Variants in EPB41L5 observed in about 807,000 individuals in gnomAD.
EPB41L5 encodes erythrocyte membrane protein band 4.1 like 5.
A neutral mutation model predicts 106.6 loss-of-function variants in EPB41L5; 55 were observed. The observed-to-expected ratio is 0.52, with a 90% CI of 0.42 to 0.65. The LOEUF (loss-of-function observed/expected upper bound fraction) is 0.65. Among genes scored for constraint, EPB41L5 ranks in the 30% least tolerant of loss-of-function variants. The probability of loss-of-function intolerance (pLI) is 0.00; values close to 1 mark genes in which losing one functional copy is unlikely to be tolerated. For missense variants in EPB41L5, 871 were observed against 882.1 expected, an observed-to-expected ratio of 0.99 and a Z score of 0.16; for synonymous variants, 297 against 306.7, an observed-to-expected ratio of 0.97 and a Z score of 0.33.
Position 120,176,903 on chromosome 2 carries a change from C to A in EPB41L5, c.*1996C>A, listed in dbSNP as rs904833295. 1 of 152,148 alleles carries A rather than the reference C, an allele frequency of 6.6e-6. No individual in the cohort carries two copies. The allele number at this position is 152,148 out of a possible 1,614,324, so 9.4% of individuals were successfully genotyped here. On this transcript the variant is annotated 3_prime_UTR_variant, in exon 25 of 25. Transcript: ENST00000263713. ...TAGGTAGTTGGACATAGTCTGTGAC[C>A]TTTATGTCGTTGGATACCTGTATTC...
At chr2:120,167,242 T>A (rs1372017320) in intron 22 of EPB41L5, among the ~76,000 whole-genome samples, 2 of 152,332 alleles carry the variant, frequency 1.3e-5, no homozygotes, top group Non-Finnish European at 1.5e-5. Flanking sequence ...GATAAGAGAT[T>A]CTCAAAATTA....
At chr2:120,163,884 T>TG in intron 21 of EPB41L5, among the ~76,000 whole-genome samples, 1 of 151,616 alleles carries the variant, frequency 6.6e-6, no homozygotes, top group Non-Finnish European at 1.5e-5. Flanking sequence ...CCCAGCATTT[T>TG]GGGGCTGCGG....
At chr2:120,057,847 C>A (rs1184581506) in intron 3 of EPB41L5, among the ~76,000 whole-genome samples, 1 of 151,894 alleles carries the variant, frequency 6.6e-6, no homozygotes, top group African/African-American at 2.4e-5. Flanking sequence ...TGGGTAGTTT[C>A]TTGTATACAG....
At chr2:120,067,933 A>G (rs185971371) in intron 3 of EPB41L5, among the ~76,000 whole-genome samples, 1 of 152,220 alleles carries the variant, frequency 6.6e-6, no homozygotes, top group Admixed American at 6.5e-5. Flanking sequence ...TTAGCATGTC[A>G]TCCTTGTTAC....
chr2:120,032,326 C>T (rs1300956389), intron 2 of EPB41L5, among the ~76,000 whole-genome samples: 4 of 151,994 alleles, frequency 2.6e-5, no homozygotes, highest in Non-Finnish European at 4.4e-5. Flanking sequence ...TGCAGTGAGC[C>T]GAGATCATGC....
At chr2:120,079,708 C>A (rs557983137) in intron 10 of EPB41L5, among the ~76,000 whole-genome samples, 8 of 152,304 alleles carry the variant, frequency 5.3e-5, no homozygotes, top group African/African-American at 1.9e-4. Context: ...GAGTTCTTGG[C>A]TTCCCCATCT....
intron 3 of EPB41L5, among the ~76,000 whole-genome samples, chr2:120,045,852 C>G (rs1203151476): frequency 6.6e-6 from 1 of 150,680 alleles, no homozygotes; most frequent in Non-Finnish European, 1.5e-5. Context: ...GTGTGATGCT[C>G]GCCTTCCCAA....
chr2:120,090,846 T>C (rs1683360260), intron 12 of EPB41L5, among the ~76,000 whole-genome samples: 3 of 152,204 alleles, frequency 2.0e-5, no homozygotes, highest in African/African-American at 7.2e-5. Context: ...AAGGGTTTCT[T>C]GCACTGAATG....
chr2:120,021,063 C>G (rs1247644621), intron 2 of EPB41L5, among the ~76,000 whole-genome samples: 2 of 152,288 alleles, frequency 1.3e-5, no homozygotes, highest in Admixed American at 6.5e-5. Context: ...AGTTGTCAGC[C>G]AGGTGCAGTG....
rs530820115 is a variant in EPB41L5 at position 120,089,713 on chromosome 2, T to A, written c.874-634T>A. Among the ~76,000 whole-genome samples the A allele has an allele frequency of 1.3e-3, 198 of 152,234 alleles. 1 individual carries two copies. Among genetic ancestry groups the A allele is most frequent in the African/African-American group, 4.5e-3 (185 of 41,570 alleles). ...CATCTTCATATATAACTTTTGATGTTTAGGAAATAATTTTCCCCAGAGAGG... is the reference window on the plus strand; with the variant it reads ...CATCTTCATATATAACTTTTGATGTATAGGAAATAATTTTCCCCAGAGAGG... On this transcript the variant is annotated intron_variant, in intron 11 of 24. Coordinates refer to ENST00000263713, the MANE Select transcript of EPB41L5 (RefSeq NM_020909.4).
chr2:120,019,048 A>T, intron 1 of EPB41L5, 29 bp from the exon 2 acceptor site: 1 of 1,557,676 alleles, frequency 6.4e-7, no homozygotes, highest in Non-Finnish European at 8.7e-7. Context: ...TTTTTTCCTG[A>T]TGCCATCTTT....
intron 20 of EPB41L5, among the ~76,000 whole-genome samples, chr2:120,154,954 C>T (rs924110084): frequency 6.6e-6 from 1 of 152,064 alleles, no homozygotes; most frequent in Non-Finnish European, 1.5e-5. Flanking sequence ...CATATGTACA[C>T]ATTGTGGGCC....
intron 16 of EPB41L5, chr2:120,105,441 A>T (rs975754898): frequency 1.0e-6 from 1 of 985,358 alleles, no homozygotes; most frequent in African/African-American, 1.7e-5. Flanking sequence ...TTATATCTCA[A>T]ATCCTTCCTG....
intron 17 of EPB41L5, among the ~76,000 whole-genome samples, chr2:120,128,256 AACACACACACACACACAC>A (rs3084679): frequency 6.9e-6 from 1 of 145,346 alleles, no homozygotes; most frequent in African/African-American, 2.6e-5. Context: ...GGTGCTTTAA[AACACACACACACACACAC>A]ACACACACAC....
At chr2:120,039,152 T>C (rs1679231991) in intron 2 of EPB41L5, among the ~76,000 whole-genome samples, 1 of 150,766 alleles carries the variant, frequency 6.6e-6, no homozygotes, top group East Asian at 1.9e-4. Flanking sequence ...GGAGAGAGGG[T>C]GAGTGAAATA....
At chr2:120,081,686 A>G (rs1682680027) in intron 10 of EPB41L5, among the ~76,000 whole-genome samples, 1 of 152,152 alleles carries the variant, frequency 6.6e-6, no homozygotes, top group Non-Finnish European at 1.5e-5. Context: ...TTGAATCTAT[A>G]AATTACCTTG....
chr2:120,022,867 GC>G, intron 2 of EPB41L5, among the ~76,000 whole-genome samples: 1 of 152,090 alleles, frequency 6.6e-6, no homozygotes, highest in Non-Finnish European at 1.5e-5. Context: ...TTTATTGATG[GC>G]CATTCTAACT....
chr2:120,016,197 A>C (rs1049097204), intron 1 of EPB41L5, among the ~76,000 whole-genome samples: 1 of 152,164 alleles, frequency 6.6e-6, no homozygotes, highest in African/African-American at 2.4e-5. Context: ...TGGGAGGCCG[A>C]GGCGGGCGGA....
At chr2:120,158,954 C>G (rs1687017703) in intron 20 of EPB41L5, among the ~76,000 whole-genome samples, 1 of 152,108 alleles carries the variant, frequency 6.6e-6, no homozygotes, top group East Asian at 1.9e-4. Context: ...AATAGTCAAG[C>G]TGAGAGCCAA....
Sources: gnomAD v4.1 joint callset for allele counts (sites outside exome capture counted in the v4.1 genomes callset) on GRCh38, gnomAD v4.1.1 for gene constraint, MANE v1.5 for transcripts, NCBI Gene and HGNC (gene_info 2026-07-23, HGNC 2026-07-21) for gene names.